Variants in THRB observed in about 807,000 individuals in gnomAD.
THRB encodes thyroid hormone receptor beta, also known as nuclear receptor subfamily 1 group A member 2.
Under a neutral mutation model 47.8 loss-of-function variants are expected in THRB, and 12 were observed. That is an observed-to-expected ratio of 0.25 (90% CI 0.16 to 0.41). The LOEUF (loss-of-function observed/expected upper bound fraction) is 0.41. Ranked by LOEUF, THRB falls within the 10% of genes least tolerant of loss-of-function variation. The pLI is 1.00. For missense variants in THRB, 348 were observed against 589.2 expected (o/e 0.59, Z 4.24); for synonymous variants, 218 against 212.2 (o/e 1.03, Z -0.24).
In THRB at chr3:24,485,576, T is replaced by C. The variant is rs555217747; in HGVS notation, c.-261+9076A>G. Among the ~76,000 whole-genome samples, 221 of 152,300 alleles carry C rather than the reference T, an allele frequency of 1.5e-3. 7 individuals carry two copies. The South Asian group carries it at 0.044, about 30-fold the overall frequency. Reference sequence around the variant, plus strand: ...ATTTGCTGAACATTCTTAAGTCTCTTCAAGCTATCAAGACAAAGTCAATCT... The same window carrying C: ...ATTTGCTGAACATTCTTAAGTCTCTCCAAGCTATCAAGACAAAGTCAATCT... On this transcript the variant is annotated intron_variant, in intron 1 of 10. Transcript: ENST00000646209.
intron 5 of THRB, 61 bp from the exon 6 acceptor site, chr3:24,152,551 A>G: frequency 2.1e-6 from 2 of 935,696 alleles, no homozygotes; most frequent in South Asian, 2.7e-5. Context: ...AAGAGACACT[A>G]TAGCTAAGGT....
chr3:24,200,659 A>C (rs1441313219), intron 4 of THRB, among the ~76,000 whole-genome samples: 1 of 152,186 alleles, frequency 6.6e-6, no homozygotes, highest in Non-Finnish European at 1.5e-5. Context: ...GGTGAGACTA[A>C]TTTTCAATTT....
intron 4 of THRB, among the ~76,000 whole-genome samples, chr3:24,219,885 T>C (rs1169289853): frequency 6.6e-6 from 1 of 152,170 alleles, no homozygotes; most frequent in Non-Finnish European, 1.5e-5. Context: ...CCACCAAGTT[T>C]GAGAACAACA....
intron 7 of THRB, chr3:24,145,006 A>G (rs2035911543): frequency 6.6e-6 from 1 of 151,298 alleles, no homozygotes; most frequent in Admixed American, 6.6e-5. Flanking sequence ...ATTCCAGACC[A>G]TTTAGATTTG....
chr3:24,151,552 C>G (rs1426077388), intron 6 of THRB, among the ~76,000 whole-genome samples: 1 of 152,122 alleles, frequency 6.6e-6, no homozygotes, highest in East Asian at 1.9e-4. Context: ...AAGTCCTTCC[C>G]TGACTTTAAA....
intron 3 of THRB, among the ~76,000 whole-genome samples, chr3:24,296,126 A>C (rs2056428600): frequency 6.6e-6 from 1 of 152,184 alleles, no homozygotes; most frequent in African/African-American, 2.4e-5. Context: ...TTTTACTTAG[A>C]ATTAAAGGTC....
intron 3 of THRB, among the ~76,000 whole-genome samples, chr3:24,287,171 T>G (rs751774568): frequency 2.6e-5 from 4 of 152,150 alleles, no homozygotes; most frequent in Non-Finnish European, 5.9e-5. Context: ...CTTTTCATAT[T>G]CTTTCCTTTG....
intron 3 of THRB, chr3:24,238,195 A>C (rs1022297705): frequency 7.1e-6 from 1 of 141,356 alleles, no homozygotes; most frequent in Non-Finnish European, 1.5e-5. Context: ...GCATGCTGTT[A>C]AAACTGACTC....
intron 1 of THRB, among the ~76,000 whole-genome samples, chr3:24,347,466 T>A (rs1559988209): frequency 6.6e-6 from 1 of 151,652 alleles, no homozygotes; most frequent in African/African-American, 2.4e-5. Context: ...AGCCAAAAAC[T>A]GGTTCTTTGA....
At chr3:24,216,441 TCAA>T (rs1319370544) in intron 4 of THRB, among the ~76,000 whole-genome samples, 1 of 151,888 alleles carries the variant, frequency 6.6e-6, no homozygotes, top group African/African-American at 2.4e-5. Flanking sequence ...CTGTCTCTAC[TCAA>T]AAAAATACAA....
At chr3:24,479,175 G>A (rs1046714029) in intron 1 of THRB, among the ~76,000 whole-genome samples, 6 of 152,248 alleles carry the variant, frequency 3.9e-5, no homozygotes, top group Middle Eastern at 3.4e-3. Flanking sequence ...GGTGGTGGGC[G>A]CCTGTAGTCC....
At chr3:24,188,956 C>T (rs2042990834) in intron 5 of THRB, among the ~76,000 whole-genome samples, 1 of 147,670 alleles carries the variant, frequency 6.8e-6, no homozygotes, top group Admixed American at 6.8e-5. Context: ...CAAATCAGAG[C>T]TCAGAACACT....
chr3:24,356,244 G>A (rs546965488), intron 1 of THRB, among the ~76,000 whole-genome samples: 1 of 152,206 alleles, frequency 6.6e-6, no homozygotes, highest in East Asian at 1.9e-4. Flanking sequence ...TGGTCCACTG[G>A]TGTGGTGGTG....
At chr3:24,464,783 A>AGATTATT (rs1285829681) in intron 1 of THRB, among the ~76,000 whole-genome samples, 1 of 152,144 alleles carries the variant, frequency 6.6e-6, no homozygotes. Context: ...ATTTCTGTAG[A>AGATTATT]GATTATTTCT....
intron 1 of THRB, among the ~76,000 whole-genome samples, chr3:24,394,924 G>T (rs2066842884): frequency 6.6e-6 from 1 of 152,102 alleles, no homozygotes; most frequent in Non-Finnish European, 1.5e-5. Context: ...TTATACCAGT[G>T]TATAGACACT....
At chr3:24,230,996 C>T (rs866133397) in intron 3 of THRB, among the ~76,000 whole-genome samples, 22 of 152,292 alleles carry the variant, frequency 1.4e-4, no homozygotes, top group African/African-American at 5.1e-4. Context: ...TCACAGACAG[C>T]CTGAAGTGGA....
chr3:24,450,149 C>T (rs1321794449), intron 1 of THRB, among the ~76,000 whole-genome samples: 4 of 152,068 alleles, frequency 2.6e-5, no homozygotes, highest in Non-Finnish European at 4.4e-5. Flanking sequence ...TTAAAAATCT[C>T]GTTTAATTAT....
At chr3:24,183,149 GT>G (rs2042118458) in intron 5 of THRB, among the ~76,000 whole-genome samples, 1 of 151,640 alleles carries the variant, frequency 6.6e-6, no homozygotes, top group African/African-American at 2.4e-5. Flanking sequence ...ATGATGTTTT[GT>G]TTGGCGTCCC....
chr3:24,365,910 G>A (rs2064423734), intron 1 of THRB, among the ~76,000 whole-genome samples: 1 of 152,070 alleles, frequency 6.6e-6, no homozygotes, highest in African/African-American at 2.4e-5. Flanking sequence ...CAATGTAAAA[G>A]AAAATTCAAG....
Sources: allele counts gnomAD v4.1 joint callset (sites outside exome capture counted in the v4.1 genomes callset), GRCh38; gene constraint gnomAD v4.1.1; transcripts MANE v1.5; gene names NCBI Gene and HGNC (gene_info 2026-07-23, HGNC 2026-07-21).